Variants in CNTNAP2 observed in about 807,000 individuals in gnomAD.
CNTNAP2 encodes the protein contactin associated protein 2, also known as contactin-associated protein-like 2.
CNTNAP2 carries 98 observed loss-of-function variants against 155.2 expected under a neutral mutation model. That is an observed-to-expected ratio of 0.63 (90% CI 0.54 to 0.75). The LOEUF is 0.75. Ranked by LOEUF, CNTNAP2 falls within the 30% of genes least tolerant of loss-of-function variation. The probability of loss-of-function intolerance (pLI) is 0.00; values close to 1 mark genes in which losing one functional copy is unlikely to be tolerated. For missense variants in CNTNAP2, 1,727 were observed against 1,688.1 expected, an observed-to-expected ratio of 1.02 and a Z score of -0.40; for synonymous variants, 651 against 631.2, an observed-to-expected ratio of 1.03 and a Z score of -0.47.
intron 13 of CNTNAP2, among the ~76,000 whole-genome samples, chr7:147,699,506 G>T (rs974126283): frequency 1.3e-5 from 2 of 151,918 alleles, no homozygotes; most frequent in African/African-American, 4.8e-5. Flanking sequence ...TGTAGATGAC[G>T]GGTTGATGGG....
At position 147,080,698 on chromosome 7, in the gene CNTNAP2, AATAAATATAT is replaced by A. The variant is rs562859531; in HGVS notation, c.551-27435_551-27426del. Among the ~76,000 whole-genome samples the A allele has an allele frequency of 1.2e-3, 172 of 148,166 alleles. No homozygotes were observed. In the East Asian group the frequency reaches 0.023, roughly 20 times the overall value. ...ATATAACATATATATCTATATATAAAATAAATATATATAAATATATATATAAAACTTTGTG... is the reference window on the plus strand; with the variant it reads ...ATATAACATATATATCTATATATAAAATAAATATATATATAAAACTTTGTG... On this transcript the variant is annotated intron_variant, in intron 4 of 23. Transcript: ENST00000361727.
chr7:147,483,371 A>T (rs7800366), intron 10 of CNTNAP2, among the ~76,000 whole-genome samples: 4 of 151,844 alleles, frequency 2.6e-5, no homozygotes, highest in African/African-American at 4.8e-5. Flanking sequence ...GTGGGTGGGG[A>T]TTGGTGTGGA....
At chr7:146,828,571 A>T (rs1256076933) in intron 2 of CNTNAP2, among the ~76,000 whole-genome samples, 4 of 152,056 alleles carry the variant, frequency 2.6e-5, no homozygotes, top group African/African-American at 9.7e-5. Context: ...TATTACATTG[A>T]CATCTGACTA....
intron 20 of CNTNAP2, among the ~76,000 whole-genome samples, chr7:148,247,640 TTTA>T: frequency 7.0e-6 from 1 of 142,540 alleles, no homozygotes; most frequent in African/African-American, 2.8e-5. Context: ...TATTTATTTA[TTTA>T]TTTATTTATT....
At position 148,229,754 on chromosome 7, in the gene CNTNAP2, G is replaced by A. The variant is rs774709566; in HGVS notation, c.3356G>A (p.Arg1119His). 3.5e-5 allele frequency: 56 copies of A among 1,613,846 alleles called. No homozygotes were observed. Among genetic ancestry groups the A allele is most frequent in the South Asian group, 4.4e-5 (4 of 91,054 alleles). Reference protein sequence around the residue: ...NGQPHSVNITRHEKTIFLKLD... With the variant: ...NGQPHSVNITHHEKTIFLKLD... ...CAGCCCCACAGTGTCAACATCACCC[G>A]CCACGAGAAGACCATCTTTCTCAAG... Residue 1119 changes from arginine (R) to histidine (H), a missense_variant, in exon 20 of 24, where the codon CGC becomes CAC. Coordinates refer to ENST00000361727, the MANE Select transcript of CNTNAP2 (RefSeq NM_014141.6).
chr7:147,783,975 T>A (rs1466891438), intron 13 of CNTNAP2, among the ~76,000 whole-genome samples: 1 of 152,196 alleles, frequency 6.6e-6, no homozygotes, highest in Non-Finnish European at 1.5e-5. Flanking sequence ...ACATTCCTCC[T>A]GAGACTAAGA....
At chr7:146,361,350 G>T (rs1242259927) in intron 1 of CNTNAP2, among the ~76,000 whole-genome samples, 1 of 152,112 alleles carries the variant, frequency 6.6e-6, no homozygotes, top group Non-Finnish European at 1.5e-5. Flanking sequence ...TGCAGATTTG[G>T]TCATACCTGG....
At chr7:147,032,109 T>A (rs1396608035) in intron 3 of CNTNAP2, among the ~76,000 whole-genome samples, 2 of 152,228 alleles carry the variant, frequency 1.3e-5, no homozygotes, top group African/African-American at 2.4e-5. Context: ...CTAATCAAAC[T>A]ATTCACTGGT....
At chr7:148,090,808 G>T (rs758102344) in intron 15 of CNTNAP2, among the ~76,000 whole-genome samples, 8 of 152,058 alleles carry the variant, frequency 5.3e-5, no homozygotes, top group Non-Finnish European at 8.8e-5. Flanking sequence ...TATGTTTACC[G>T]CAGCATTATT....
At chr7:146,197,687 A>G (rs956336744) in intron 1 of CNTNAP2, among the ~76,000 whole-genome samples, 1 of 152,176 alleles carries the variant, frequency 6.6e-6, no homozygotes. Flanking sequence ...TTAAGGAAAA[A>G]TGACTTATCT....
chr7:147,897,569 G>A (rs1799798171), intron 13 of CNTNAP2, among the ~76,000 whole-genome samples: 2 of 152,210 alleles, frequency 1.3e-5, no homozygotes, highest in African/African-American at 4.8e-5. Context: ...TTTTGGTAAT[G>A]TTTCTATATT....
intron 10 of CNTNAP2, among the ~76,000 whole-genome samples, chr7:147,427,710 T>C (rs1284948129): frequency 6.6e-6 from 1 of 152,154 alleles, no homozygotes; most frequent in Non-Finnish European, 1.5e-5. Context: ...AAAATAGATA[T>C]TTTTCAGAGA....
chr7:146,943,366 C>T (rs1797094746), intron 3 of CNTNAP2, among the ~76,000 whole-genome samples: 1 of 152,048 alleles, frequency 6.6e-6, no homozygotes, highest in African/African-American at 2.4e-5. Context: ...GTGGCATGCA[C>T]CTGGAATCCT....
intron 14 of CNTNAP2, among the ~76,000 whole-genome samples, chr7:147,924,847 G>T (rs1441193727): frequency 6.6e-6 from 1 of 152,060 alleles, no homozygotes; most frequent in Non-Finnish European, 1.5e-5. Flanking sequence ...GCAAGGTGTG[G>T]TGGCGCACAC....
At chr7:147,141,549 A>G (rs971424087) in intron 8 of CNTNAP2, among the ~76,000 whole-genome samples, 1 of 152,112 alleles carries the variant, frequency 6.6e-6, no homozygotes, top group African/African-American at 2.4e-5. Flanking sequence ...CATTTCATAG[A>G]TTAAAAAAAA....
intron 1 of CNTNAP2, among the ~76,000 whole-genome samples, chr7:146,278,903 T>G (rs1362925082): frequency 1.3e-5 from 2 of 152,178 alleles, no homozygotes; most frequent in African/African-American, 4.8e-5. Flanking sequence ...TGAGATAGGT[T>G]TAGATGAGTA....
intron 3 of CNTNAP2, among the ~76,000 whole-genome samples, chr7:146,855,782 T>TA (rs1794968051): frequency 7.0e-6 from 1 of 143,260 alleles, no homozygotes. Flanking sequence ...GAAGCCTACT[T>TA]AAAAATATAT....
chr7:146,637,063 A>G (rs1563166390), intron 1 of CNTNAP2, among the ~76,000 whole-genome samples: 1 of 152,306 alleles, frequency 6.6e-6, no homozygotes, highest in African/African-American at 2.4e-5. Flanking sequence ...AAATTTAATT[A>G]AATAAAAACC....
intron 3 of CNTNAP2, among the ~76,000 whole-genome samples, chr7:146,952,903 A>C (rs374241721): frequency 6.6e-6 from 1 of 152,114 alleles, no homozygotes; most frequent in Non-Finnish European, 1.5e-5. Context: ...TGAACCTAAA[A>C]ATATTAATCT....
Sources: allele counts gnomAD v4.1 joint callset (sites outside exome capture counted in the v4.1 genomes callset), GRCh38; gene constraint gnomAD v4.1.1; transcripts MANE v1.5; gene names NCBI Gene and HGNC (gene_info 2026-07-23, HGNC 2026-07-21).